PTPN4: variants seen among roughly 807,000 people sequenced by gnomAD.
The protein encoded by PTPN4 is protein tyrosine phosphatase non-receptor type 4.
Under a neutral mutation model 135.5 loss-of-function variants are expected in PTPN4, and 49 were observed. The observed-to-expected ratio is 0.36, with a 90% CI of 0.29 to 0.46. The LOEUF is 0.46. Ranked by LOEUF, PTPN4 falls within the 20% of genes least tolerant of loss-of-function variation. The probability of loss-of-function intolerance (pLI) is 1.00; values close to 1 mark genes in which losing one functional copy is unlikely to be tolerated. For missense variants in PTPN4, 860 were observed against 1,101.0 expected, an observed-to-expected ratio of 0.78 and a Z score of 3.10; for synonymous variants, 333 against 369.9, an observed-to-expected ratio of 0.90 and a Z score of 1.14.
intron 13 of PTPN4, among the ~76,000 whole-genome samples, chr2:119,929,403 A>C (rs1328890340): frequency 2.6e-5 from 4 of 152,134 alleles, no homozygotes; most frequent in Non-Finnish European, 4.4e-5. Context: ...GCTCCTCCTT[A>C]AACTTCTCAT....
chr2:119,870,023 G>T (rs1677888032), intron 3 of PTPN4, among the ~76,000 whole-genome samples: 1 of 152,184 alleles, frequency 6.6e-6, no homozygotes, highest in Admixed American at 6.5e-5. Flanking sequence ...ACAGAGGGCA[G>T]CAGATACAGT....
chr2:119,942,384 C>T (rs1184194693), intron 15 of PTPN4, among the ~76,000 whole-genome samples: 1 of 152,132 alleles, frequency 6.6e-6, no homozygotes, highest in Non-Finnish European at 1.5e-5. Context: ...CACTGCTGAT[C>T]AGGCTTGAGT....
chr2:119,876,566 TACTACCACA>T (rs1254430168), intron 3 of PTPN4, among the ~76,000 whole-genome samples: 1 of 152,128 alleles, frequency 6.6e-6, no homozygotes, highest in East Asian at 1.9e-4. Flanking sequence ...ACTTGGAAAA[TACTACCACA>T]TCTAGTACCT....
intron 1 of PTPN4, among the ~76,000 whole-genome samples, chr2:119,790,765 A>G (rs990093704): frequency 3.9e-5 from 6 of 151,900 alleles, no homozygotes; most frequent in African/African-American, 1.5e-4. Context: ...TTCATCTATT[A>G]TTGTTTGTTT....
chr2:119,925,069 C>G (rs1678801307), intron 12 of PTPN4, among the ~76,000 whole-genome samples: 1 of 152,136 alleles, frequency 6.6e-6, no homozygotes, highest in Non-Finnish European at 1.5e-5. Flanking sequence ...TGAACTCTGA[C>G]TGATACATTA....
chr2:119,918,732 A>G (rs1035906607), intron 11 of PTPN4, among the ~76,000 whole-genome samples: 1 of 152,246 alleles, frequency 6.6e-6, no homozygotes, highest in Non-Finnish European at 1.5e-5. Flanking sequence ...TGTGTACAAC[A>G]TATGACCCAA....
chr2:119,801,228 C>T (rs1049371945), intron 1 of PTPN4, among the ~76,000 whole-genome samples: 1 of 152,150 alleles, frequency 6.6e-6, no homozygotes, highest in Non-Finnish European at 1.5e-5. Flanking sequence ...GCTGGGATTA[C>T]AAACATGCAT....
chr2:119,959,504 G>T (rs1348660428), intron 22 of PTPN4, among the ~76,000 whole-genome samples: 1 of 152,188 alleles, frequency 6.6e-6, no homozygotes, highest in African/African-American at 2.4e-5. Context: ...CTAAAGAGAG[G>T]CATAAGCTGG....
chr2:119,962,666 A>T lies in PTPN4; in HGVS notation c.2331A>T (p.Gly777=). 1 of 1,587,062 alleles carries T rather than the reference A, an allele frequency of 6.3e-7. No homozygotes were observed. The highest frequency in any genetic ancestry group is 8.6e-7 in the Non-Finnish European group (1 of 1,160,652). Residue 777 remains glycine, a synonymous_variant, in exon 24 of 27, where the codon GGA becomes GGT. Transcript: ENST00000263708. ...AACCCACAGGCAGTTCATCTTATGGATGCTACCAAGTTACCTGCCACTCTG... is the reference window on the plus strand; with the variant it reads ...AACCCACAGGCAGTTCATCTTATGGTTGCTACCAAGTTACCTGCCACTCTG... ...WPEPTGSSSY[G]CYQVTCHSEE...
chr2:119,769,974 T>G (rs979518139), intron 1 of PTPN4, among the ~76,000 whole-genome samples: 1 of 152,228 alleles, frequency 6.6e-6, no homozygotes, highest in Non-Finnish European at 1.5e-5. Context: ...CTTTGCTCAT[T>G]TTTATACAAA....
intron 2 of PTPN4, among the ~76,000 whole-genome samples, chr2:119,856,788 C>G (rs1677687899): frequency 6.6e-6 from 1 of 152,132 alleles, no homozygotes; most frequent in South Asian, 2.1e-4. Flanking sequence ...AATAATTAAG[C>G]AAAGTGCTAC....
At chr2:119,827,824 C>T (rs923726682) in intron 2 of PTPN4, among the ~76,000 whole-genome samples, 7 of 152,136 alleles carry the variant, frequency 4.6e-5, no homozygotes, top group Admixed American at 6.6e-5. Flanking sequence ...TAATTATAAG[C>T]AATTTCATAT....
chr2:119,936,150 C>T (rs541985471), intron 15 of PTPN4, among the ~76,000 whole-genome samples: 1 of 152,218 alleles, frequency 6.6e-6, no homozygotes, highest in Admixed American at 6.5e-5. Context: ...CTACAGGCGC[C>T]AGCCACCACT....
At chr2:119,937,310 T>G (rs1678997368) in intron 15 of PTPN4, among the ~76,000 whole-genome samples, 1 of 152,182 alleles carries the variant, frequency 6.6e-6, no homozygotes, top group Admixed American at 6.5e-5. Context: ...CATTTCAACA[T>G]GTAATGAAAT....
chr2:119,845,777 C>T (rs79201771), intron 2 of PTPN4, among the ~76,000 whole-genome samples: 233 of 152,158 alleles, frequency 1.5e-3, no homozygotes, highest in African/African-American at 5.3e-3. Flanking sequence ...ATAGTGTCTT[C>T]AGATAAAAGA....
intron 2 of PTPN4, among the ~76,000 whole-genome samples, chr2:119,839,945 A>G: frequency 6.6e-6 from 1 of 152,188 alleles, no homozygotes; most frequent in East Asian, 1.9e-4. Context: ...ATGAGGGGAA[A>G]ACAGGAAGGC....
At chr2:119,961,614 A>G (rs1294381736) in intron 23 of PTPN4, among the ~76,000 whole-genome samples, 1 of 152,226 alleles carries the variant, frequency 6.6e-6, no homozygotes, top group African/African-American at 2.4e-5. Flanking sequence ...GAGCATTCAT[A>G]ACAGCATTAT....
chr2:119,900,242 T>C (rs921011599), intron 9 of PTPN4, among the ~76,000 whole-genome samples: 1 of 152,144 alleles, frequency 6.6e-6, no homozygotes, highest in Non-Finnish European at 1.5e-5. Flanking sequence ...TGTATTATAT[T>C]AGTTATAGGA....
chr2:119,820,878 C>A (rs542210862), intron 2 of PTPN4, among the ~76,000 whole-genome samples: 1 of 126,426 alleles, frequency 7.9e-6, no homozygotes, highest in South Asian at 2.7e-4. Context: ...GCTTTACATA[C>A]ACACATGTGT....
Sources: gnomAD v4.1 joint callset for allele counts (sites outside exome capture counted in the v4.1 genomes callset) on GRCh38, gnomAD v4.1.1 for gene constraint, MANE v1.5 for transcripts, NCBI Gene and HGNC (gene_info 2026-07-23, HGNC 2026-07-21) for gene names.